SLC9B1: variants seen among roughly 807,000 people sequenced by gnomAD.
SLC9B1 encodes sodium/hydrogen exchanger 9B1.
Under a neutral mutation model 51.7 loss-of-function variants are expected in SLC9B1, and 32 were observed. The ratio of observed to expected loss-of-function variants is 0.62; its 90% CI spans 0.47 to 0.83. The LOEUF is 0.83. SLC9B1 is among the 40% of genes least tolerant of loss of function. The pLI is 0.00. For missense variants in SLC9B1, 406 were observed against 613.2 expected, an observed-to-expected ratio of 0.66 and a Z score of 3.57; for synonymous variants, 145 against 212.7, an observed-to-expected ratio of 0.68 and a Z score of 2.77.
intron 11 of SLC9B1, among the ~76,000 whole-genome samples, chr4:102,886,506 AAG>A (rs1427873276): frequency 3.1e-4 from 47 of 152,288 alleles, no homozygotes; most frequent in Middle Eastern, 3.4e-3. Flanking sequence ...AAAGAAAAAA[AAG>A]AATACACACA....
intron 3 of SLC9B1, among the ~76,000 whole-genome samples, chr4:102,987,176 G>A (rs1284044909): frequency 1.3e-5 from 2 of 152,108 alleles, no homozygotes; most frequent in African/African-American, 4.8e-5. Flanking sequence ...CTGTGCCTCT[G>A]AGCTGTGAAT....
intron 1 of SLC9B1, among the ~76,000 whole-genome samples, chr4:103,013,382 C>T (rs1347875280): frequency 1.3e-5 from 2 of 152,186 alleles, no homozygotes; most frequent in Non-Finnish European, 2.9e-5. Context: ...CTCTACCATC[C>T]TTACCTCTCT....
intron 6 of SLC9B1, among the ~76,000 whole-genome samples, chr4:102,940,495 A>T (rs921565676): frequency 4.6e-5 from 7 of 152,176 alleles, no homozygotes; most frequent in Non-Finnish European, 7.4e-5. Flanking sequence ...ACAGGATTAA[A>T]AAAAGCATCC....
chr4:102,906,724 T>C, intron 9 of SLC9B1, 80 bp from the exon 10 acceptor site: 2 of 839,282 alleles, frequency 2.4e-6, no homozygotes, highest in Non-Finnish European at 3.6e-6. Flanking sequence ...CCCCCCCTTT[T>C]TTTTTTCATT....
rs745803120 is a variant in SLC9B1, at chr4:102,901,205, A to C, written c.1460T>G (p.Leu487Arg). The C allele has an allele frequency of 2.5e-6, 4 of 1,612,078 alleles. No individual in the cohort carries two copies. Among genetic ancestry groups the C allele is most frequent in the Non-Finnish European group, 2.5e-6 (3 of 1,179,860 alleles). The change falls in exon 12 of 12, where the codon CTT (leucine) becomes CGT (arginine). Residue 487 changes from leucine (L) to arginine (R), a missense_variant. This residue lies in a region of SLC9B1 where 18 missense variants were observed against 35.9 expected (regional missense o/e 0.50). Transcript: ENST00000296422. Reference protein sequence around the residue: ...ILITAPNGALLMGILGPKMLT... With the variant: ...ILITAPNGALRMGILGPKMLT... ...CATTTTAGGCCCCAGAATGCCCATA[A>C]GTAGAGCTCCATTTGGAGCTGTGAT...
intron 3 of SLC9B1, among the ~76,000 whole-genome samples, chr4:102,955,843 G>GAGAGAGAA (rs1553983811): frequency 2.8e-5 from 3 of 106,754 alleles, no homozygotes; most frequent in Admixed American, 1.0e-4. Flanking sequence ...GAAAGAGAGA[G>GAGAGAGAA]AGAAAGAAAG....
intron 1 of SLC9B1, among the ~76,000 whole-genome samples, chr4:103,008,708 C>A (rs1740926023): frequency 6.6e-6 from 1 of 150,850 alleles, no homozygotes; most frequent in Non-Finnish European, 1.5e-5. Flanking sequence ...GAGTAAATTT[C>A]TTGTCATTTC....
At chr4:102,984,854 CAT>C (rs1307433734) in intron 3 of SLC9B1, among the ~76,000 whole-genome samples, 7 of 152,064 alleles carry the variant, frequency 4.6e-5, no homozygotes, top group Non-Finnish European at 8.8e-5. Flanking sequence ...GTTTTTAACT[CAT>C]GTGTTCTTTT....
chr4:102,981,578 T>C (rs916767779), intron 3 of SLC9B1, among the ~76,000 whole-genome samples: 3 of 152,156 alleles, frequency 2.0e-5, no homozygotes, highest in Non-Finnish European at 2.9e-5. Flanking sequence ...CTCACTGTTG[T>C]GTTAATTTAC....
chr4:102,938,307 T>C (rs1736822753), intron 6 of SLC9B1, among the ~76,000 whole-genome samples: 2 of 152,182 alleles, frequency 1.3e-5, no homozygotes, highest in African/African-American at 4.8e-5. Context: ...AGGGTTCAAT[T>C]CAACAAGAAG....
intron 6 of SLC9B1, among the ~76,000 whole-genome samples, chr4:102,943,609 G>A (rs1406116289): frequency 2.0e-5 from 3 of 151,732 alleles, no homozygotes; most frequent in Non-Finnish European, 4.4e-5. Context: ...GGAAGGAGTC[G>A]GAGACCATTA....
At chr4:102,948,055 A>C (rs28814633) in intron 4 of SLC9B1, among the ~76,000 whole-genome samples, 58,340 of 151,920 alleles carry the variant, frequency 0.38, 11,452 homozygotes, top group African/African-American at 0.48. Flanking sequence ...CCCACTATGC[A>C]GTTCAAAAAC....
chr4:102,905,718 T>C, intron 10 of SLC9B1, 68 bp from the exon 11 acceptor site: 1 of 1,478,384 alleles, frequency 6.8e-7, no homozygotes, highest in South Asian at 1.2e-5. Context: ...TGCCCAGGAA[T>C]ATGATTTCTA....
chr4:102,985,516 C>G (rs983792613), intron 3 of SLC9B1, among the ~76,000 whole-genome samples: 1 of 149,430 alleles, frequency 6.7e-6, no homozygotes, highest in Non-Finnish European at 1.5e-5. Context: ...GCGTTTACAA[C>G]TAATACAAAT....
intron 3 of SLC9B1, chr4:102,962,213 G>C (rs1224069095): frequency 3.8e-6 from 2 of 532,416 alleles, no homozygotes; most frequent in African/African-American, 3.9e-5. Context: ...AGCAAAGGTA[G>C]TTGACAAAGC....
At chr4:102,892,498 A>AATC (rs1169496998) in intron 11 of SLC9B1, 3 of 152,216 alleles carry the variant, frequency 2.0e-5, no homozygotes, top group Non-Finnish European at 2.9e-5. Context: ...GGACATTGAA[A>AATC]ATCTGTTCAG....
chr4:102,958,909 C>G (rs1364252253), intron 3 of SLC9B1, among the ~76,000 whole-genome samples: 2 of 150,330 alleles, frequency 1.3e-5, no homozygotes, highest in African/African-American at 2.5e-5. Context: ...GGTGACAGAA[C>G]GAGACTCCGT....
At chr4:102,907,543 C>T (rs1361380850) in intron 9 of SLC9B1, among the ~76,000 whole-genome samples, 3 of 152,254 alleles carry the variant, frequency 2.0e-5, no homozygotes, top group African/African-American at 7.2e-5. Context: ...ACCCAGCTTC[C>T]CTTTCTGGAA....
chr4:102,955,626 T>C (rs1433346054), intron 3 of SLC9B1, among the ~76,000 whole-genome samples: 1 of 152,008 alleles, frequency 6.6e-6, no homozygotes, highest in Non-Finnish European at 1.5e-5. Flanking sequence ...TTTGCTAGTC[T>C]GAGGTTGCAG....
Sources: allele counts gnomAD v4.1 joint callset (sites outside exome capture counted in the v4.1 genomes callset), GRCh38; gene constraint gnomAD v4.1.1; regional missense constraint gnomAD v4.1.1; transcripts MANE v1.5; gene names NCBI Gene and HGNC (gene_info 2026-07-23, HGNC 2026-07-21).